OSBPL9: variants seen among roughly 807,000 people sequenced by gnomAD.
OSBPL9 encodes the protein oxysterol-binding protein-related protein 9.
A neutral mutation model predicts 106.6 loss-of-function variants in OSBPL9; 40 were observed. The observed-to-expected ratio is 0.38, with a 90% CI of 0.29 to 0.49. OSBPL9 has a LOEUF of 0.49. OSBPL9 is among the 20% of genes least tolerant of loss of function. OSBPL9 has a pLI of 0.97. For missense variants in OSBPL9, 609 were observed against 887.2 expected (o/e 0.69, Z 3.98); for synonymous variants, 269 against 295.4 (o/e 0.91, Z 0.92).
At chr1:51,541,396 C>A in the OSBPL9 span, among the ~76,000 whole-genome samples, 1 of 152,236 alleles carries the variant, frequency 6.6e-6, no homozygotes, top group South Asian at 2.1e-4. Context: ...TCTCCTCCCA[C>A]ACATACCCCT....
intron 1 of OSBPL9, among the ~76,000 whole-genome samples, chr1:51,594,498 GT>G (rs1553148829): frequency 6.6e-6 from 1 of 151,848 alleles, no homozygotes; most frequent in Admixed American, 6.6e-5. Flanking sequence ...TTCCTCCAGG[GT>G]TCACCCATTT....
chr1:51,631,393 T>G (rs749425877), intron 1 of OSBPL9, among the ~76,000 whole-genome samples: 60 of 151,982 alleles, frequency 3.9e-4, no homozygotes, highest in Middle Eastern at 3.4e-3. Context: ...ACTAAAAAAA[T>G]TAGCCAAGCA....
intron 8 of OSBPL9, among the ~76,000 whole-genome samples, chr1:51,753,128 A>G (rs1379935653): frequency 6.6e-6 from 1 of 152,188 alleles, no homozygotes; most frequent in Non-Finnish European, 1.5e-5. Flanking sequence ...GACCATCCCT[A>G]TAAACTAATC....
chr1:51,637,681 A>G (rs192956953), intron 1 of OSBPL9, among the ~76,000 whole-genome samples: 35 of 152,350 alleles, frequency 2.3e-4, no homozygotes, highest in Admixed American at 2.2e-3. Flanking sequence ...GGTCACCATT[A>G]TATGAATCAG....
At position 51,787,834 on chromosome 1, in the gene OSBPL9, A is replaced by G. The variant is rs140616351; in HGVS notation, c.*45A>G. 15,338 of 1,489,022 alleles carry G rather than the reference A, an allele frequency of 0.01. 93 individuals carry two copies. The highest frequency in any genetic ancestry group is 0.013 in the Non-Finnish European group (13,530 of 1,068,346). 92.2% of individuals were successfully genotyped at this position (1,489,022 alleles called of 1,614,324 possible). A position where few individuals can be genotyped will look rare whatever the true frequency, so the allele number is the denominator to read the frequency against. On this transcript the variant is annotated 3_prime_UTR_variant, in exon 24 of 24. Coordinates refer to ENST00000428468, the MANE Select transcript of OSBPL9 (RefSeq NM_024586.6). ...ATACCTGATGATCAGGGCAGTAGGC[A>G]TAATTCAGCAACAAACAATCTTCCT...
the OSBPL9 span, among the ~76,000 whole-genome samples, chr1:51,559,118 A>G: frequency 6.6e-6 from 1 of 152,118 alleles, no homozygotes; most frequent in Non-Finnish European, 1.5e-5. Context: ...CTAGGCTGGG[A>G]CCAAGGAGGG....
intron 3 of OSBPL9, among the ~76,000 whole-genome samples, chr1:51,701,170 C>T (rs1657147290): frequency 6.6e-6 from 1 of 152,202 alleles, no homozygotes; most frequent in Non-Finnish European, 1.5e-5. Context: ...AAACTCCTGA[C>T]CTCAGGTGAT....
At chr1:51,578,472 T>A (rs1232368069) in intron 1 of OSBPL9, among the ~76,000 whole-genome samples, 1 of 152,134 alleles carries the variant, frequency 6.6e-6, no homozygotes, top group Non-Finnish European at 1.5e-5. Context: ...ATTTTTTCTC[T>A]TAACATCATA....
chr1:51,623,017 G>A (rs1644538232), intron 1 of OSBPL9, among the ~76,000 whole-genome samples: 1 of 152,204 alleles, frequency 6.6e-6, no homozygotes, highest in African/African-American at 2.4e-5. Context: ...AGAAGAATGT[G>A]GCAGTCATGG....
intron 3 of OSBPL9, among the ~76,000 whole-genome samples, chr1:51,671,244 A>G (rs1012387210): frequency 6.6e-6 from 1 of 152,150 alleles, no homozygotes; most frequent in African/African-American, 2.4e-5. Flanking sequence ...AATGAGAGCT[A>G]TTTCACATTC....
At chr1:51,599,496 A>T (rs2148603454) in intron 2 of OSBPL9, among the ~76,000 whole-genome samples, 1 of 152,212 alleles carries the variant, frequency 6.6e-6, no homozygotes, top group South Asian at 2.1e-4. Context: ...TTTTAAAAAA[A>T]TTATTATATA....
the OSBPL9 span, among the ~76,000 whole-genome samples, chr1:51,549,839 A>T: frequency 1.3e-5 from 2 of 152,112 alleles, no homozygotes; most frequent in East Asian, 3.9e-4. Flanking sequence ...TCTCAAAACA[A>T]AACAAAACAA....
rs1199077661 is a variant in OSBPL9 at position 51,786,012 on chromosome 1, C to T, written c.1908+126C>T. Reference sequence around the variant, plus strand: ...CTTCTACAGTATATTAGAGCTGGAACTTTAGGACAGCTCCAGTGTATGTCA... The same window carrying T: ...CTTCTACAGTATATTAGAGCTGGAATTTTAGGACAGCTCCAGTGTATGTCA... On this transcript the variant is annotated intron_variant, in intron 21 of 23. Transcript: ENST00000428468. 115 of 802,722 alleles carry T rather than the reference C, an allele frequency of 1.4e-4. 1 individual carries two copies. The highest frequency in any genetic ancestry group is 1.5e-4 in the Non-Finnish European group (76 of 495,328). The allele number at this position is 802,722 out of a possible 1,614,324, so 49.7% of individuals were successfully genotyped here.
At chr1:51,660,786 A>T (rs1174275708) in intron 2 of OSBPL9, among the ~76,000 whole-genome samples, 1 of 152,166 alleles carries the variant, frequency 6.6e-6, no homozygotes, top group African/African-American at 2.4e-5. Flanking sequence ...TCTAGACTGT[A>T]TGTTCCTCCA....
chr1:51,770,092 G>A (rs556743972), intron 12 of OSBPL9, among the ~76,000 whole-genome samples: 10 of 150,212 alleles, frequency 6.7e-5, no homozygotes, highest in East Asian at 2.0e-4. Flanking sequence ...CACCTCAGCC[G>A]CCCCAGTAGC....
At chr1:51,592,499 C>T (rs1645282019) in intron 1 of OSBPL9, among the ~76,000 whole-genome samples, 2 of 152,146 alleles carry the variant, frequency 1.3e-5, no homozygotes. Context: ...TGTCAAGATT[C>T]AGTCCAATAA....
At chr1:51,584,613 G>A (rs1021859100) in intron 1 of OSBPL9, among the ~76,000 whole-genome samples, 1 of 152,196 alleles carries the variant, frequency 6.6e-6, no homozygotes, top group African/African-American at 2.4e-5. Flanking sequence ...CTACTCAGGA[G>A]GCTGAAGCAG....
chr1:51,628,591 TAA>T (rs1302624081), intron 1 of OSBPL9, among the ~76,000 whole-genome samples: 1 of 149,438 alleles, frequency 6.7e-6, no homozygotes, highest in Non-Finnish European at 1.5e-5. Flanking sequence ...CTCAAAAAAA[TAA>T]AAAAGAAAAG....
intron 9 of OSBPL9, 22 bp from the exon 10 acceptor site, chr1:51,760,668 A>G (rs758615853): frequency 8.1e-6 from 13 of 1,613,050 alleles, no homozygotes; most frequent in Non-Finnish European, 1.0e-5. Flanking sequence ...AAAAATAGCT[A>G]TATTGTGTTT....
Sources: gnomAD v4.1 joint callset for allele counts (sites outside exome capture counted in the v4.1 genomes callset) on GRCh38, gnomAD v4.1.1 for gene constraint, MANE v1.5 for transcripts, NCBI Gene and HGNC (gene_info 2026-07-23, HGNC 2026-07-21) for gene names.